Variants in B3GAT2 observed in about 807,000 individuals in gnomAD.
B3GAT2 encodes galactosylgalactosylxylosylprotein 3-beta-glucuronosyltransferase 2.
In B3GAT2, 26 loss-of-function variants were observed where a neutral mutation model predicts 27.8. The observed-to-expected ratio is 0.93, with a 90% CI of 0.68 to 1.30. The LOEUF (loss-of-function observed/expected upper bound fraction) is 1.30, where lower values mean the gene tolerates loss of function less well. Among genes scored for constraint, B3GAT2 ranks in the 50% most tolerant of loss-of-function variants. B3GAT2 has a pLI of 0.00. For synonymous variants in B3GAT2, 218 were observed against 195.1 expected, an observed-to-expected ratio of 1.12 and a Z score of -0.98; for missense variants, 458 against 459.0, an observed-to-expected ratio of 1.00 and a Z score of 0.02.
intron 1 of B3GAT2, among the ~76,000 whole-genome samples, chr6:70,934,274 C>G (rs1427050636): frequency 6.6e-6 from 1 of 152,174 alleles, no homozygotes; most frequent in Non-Finnish European, 1.5e-5. Context: ...CCCTTGGCAT[C>G]CCTACATACG....
chr6:70,863,350 C>A (rs577242371), intron 2 of B3GAT2, among the ~76,000 whole-genome samples: 23 of 152,340 alleles, frequency 1.5e-4, no homozygotes, highest in African/African-American at 5.3e-4. Flanking sequence ...GTCTCCTGTT[C>A]CAGACCCTGC....
chr6:70,915,342 C>T (rs1431445563), intron 1 of B3GAT2, among the ~76,000 whole-genome samples: 1 of 151,822 alleles, frequency 6.6e-6, no homozygotes, highest in Non-Finnish European at 1.5e-5. Flanking sequence ...AATTTTTCTC[C>T]CATTCTGTAG....
At chr6:70,903,329 A>C (rs975048605) in intron 1 of B3GAT2, among the ~76,000 whole-genome samples, 1 of 152,052 alleles carries the variant, frequency 6.6e-6, no homozygotes. Flanking sequence ...AACACGACAT[A>C]AATAATAGGA....
intron 1 of B3GAT2, among the ~76,000 whole-genome samples, chr6:70,952,190 G>C (rs1202328661): frequency 6.6e-6 from 1 of 152,064 alleles, no homozygotes; most frequent in Non-Finnish European, 1.5e-5. Context: ...TTCAAGCAAG[G>C]GGCTTCTTTA....
chr6:70,945,984 T>A (rs979221417), intron 1 of B3GAT2, among the ~76,000 whole-genome samples: 2 of 151,486 alleles, frequency 1.3e-5, no homozygotes, highest in Admixed American at 1.3e-4. Context: ...GCTTCATAAG[T>A]GAAGGAGAAA....
At chr6:70,955,576 A>G (rs1157480963) in intron 1 of B3GAT2, among the ~76,000 whole-genome samples, 2 of 152,064 alleles carry the variant, frequency 1.3e-5, no homozygotes, top group African/African-American at 2.4e-5. Context: ...TCTTGACACA[A>G]TCTCCACACA....
chr6:70,911,543 T>C (rs1772689501), intron 1 of B3GAT2, among the ~76,000 whole-genome samples: 1 of 152,228 alleles, frequency 6.6e-6, no homozygotes, highest in African/African-American at 2.4e-5. Context: ...TTTTTGTTAC[T>C]GTAAGCTTGC....
In B3GAT2 at chr6:70,875,669, C is replaced by T. The variant is rs543280268; in HGVS notation, c.737-13691G>A. ...GTGGAAGAAGAATGAAAAAGCATGC[C>T]TTGGTTGTTAAACAGGTCTGTTAAT... is the stretch of plus-strand genomic sequence containing the variant. On this transcript the variant is annotated intron_variant, in intron 2 of 3. Coordinates refer to ENST00000230053, the MANE Select transcript of B3GAT2 (RefSeq NM_080742.3). 3.9e-5 allele frequency among the ~76,000 whole-genome samples: 6 copies of T among 152,228 alleles called. No homozygotes were observed. In the South Asian group the frequency reaches 1.2e-3, roughly 32 times the overall value.
chr6:70,926,498 A>T (rs1242848421), intron 1 of B3GAT2, among the ~76,000 whole-genome samples: 2 of 152,234 alleles, frequency 1.3e-5, no homozygotes, highest in Non-Finnish European at 2.9e-5. Context: ...GATGGAGCTG[A>T]AAACCATGGC....
At chr6:70,930,482 A>C (rs1051972579) in intron 1 of B3GAT2, among the ~76,000 whole-genome samples, 8 of 152,348 alleles carry the variant, frequency 5.3e-5, no homozygotes, top group African/African-American at 1.9e-4. Flanking sequence ...CAAAGAACTT[A>C]AACAAATTTA....
At chr6:70,880,459 T>C (rs1772083866) in intron 2 of B3GAT2, among the ~76,000 whole-genome samples, 1 of 152,128 alleles carries the variant, frequency 6.6e-6, no homozygotes, top group Non-Finnish European at 1.5e-5. Context: ...GGCAATGGAA[T>C]CACTCTCAAA....
chr6:70,892,041 G>GA (rs1772298549), intron 2 of B3GAT2, among the ~76,000 whole-genome samples: 1 of 152,054 alleles, frequency 6.6e-6, no homozygotes, highest in Non-Finnish European at 1.5e-5. Flanking sequence ...TGTGTGAAGT[G>GA]AAAAAAATTA....
Position 70,931,510 on chromosome 6 carries a change from C to T in B3GAT2, c.591+24329G>A, listed in dbSNP as rs377535260. ...TATTTGGGCAGCAGGCAAGAAGAAC[C>T]CATCAGGTGGTTATGCTCCCACATA... On this transcript the variant is annotated intron_variant, in intron 1 of 3. Transcript: ENST00000230053. Among the ~76,000 whole-genome samples the T allele has an allele frequency of 2.6e-5, 4 of 152,140 alleles. No homozygotes were observed. In the South Asian group the frequency reaches 8.3e-4, roughly 32 times the overall value.
intron 2 of B3GAT2, 66 bp from the exon 3 acceptor site, chr6:70,862,044 T>C: frequency 6.8e-7 from 1 of 1,468,076 alleles, no homozygotes; most frequent in Non-Finnish European, 9.1e-7. Context: ...TTTTTCTGTA[T>C]AATTTTGGTC....
rs1765662136 is a variant in B3GAT2 at position 70,956,592 on chromosome 6, A to G, written c.-163T>C. The G allele has an allele frequency of 7.0e-7, 1 of 1,438,176 alleles. No homozygotes were observed. Among genetic ancestry groups the G allele is most frequent in the South Asian group, 1.5e-5 (1 of 67,794 alleles). The allele number at this position is 1,438,176 out of a possible 1,614,324, so 89.1% of individuals were successfully genotyped here. ...GAGACCTGGAGCCGCGGGGCTCACT[A>G]CCTGGGCGTGGAGGAGCGGCAGGTT... is the stretch of plus-strand genomic sequence containing the variant. On this transcript the variant is annotated 5_prime_UTR_variant, in exon 1 of 4. Transcript: ENST00000230053.
intron 1 of B3GAT2, among the ~76,000 whole-genome samples, chr6:70,931,723 G>C (rs1280655890): frequency 1.3e-5 from 2 of 152,144 alleles, no homozygotes; most frequent in Non-Finnish European, 2.9e-5. Flanking sequence ...GAAAACAGGA[G>C]AAAGCCTTCA....
At chr6:70,950,156 T>C (rs953105625) in intron 1 of B3GAT2, among the ~76,000 whole-genome samples, 11 of 151,886 alleles carry the variant, frequency 7.2e-5, no homozygotes, top group African/African-American at 2.4e-4. Context: ...TATACATATG[T>C]AACTAACCTG....
At chr6:70,951,124 C>T (rs1765572689) in intron 1 of B3GAT2, among the ~76,000 whole-genome samples, 1 of 152,082 alleles carries the variant, frequency 6.6e-6, no homozygotes, top group African/African-American at 2.4e-5. Flanking sequence ...TGTTAACTTA[C>T]ACAGGCTGAA....
chr6:70,894,353 G>C, intron 1 of B3GAT2, 81 bp from the exon 2 acceptor site: 1 of 1,392,892 alleles, frequency 7.2e-7, no homozygotes, highest in Non-Finnish European at 9.6e-7. Flanking sequence ...TGTAGAAGAA[G>C]TAGGGCTGGT....
Sources: gnomAD v4.1 joint callset for allele counts (sites outside exome capture counted in the v4.1 genomes callset) on GRCh38, gnomAD v4.1.1 for gene constraint, MANE v1.5 for transcripts, NCBI Gene and HGNC (gene_info 2026-07-23, HGNC 2026-07-21) for gene names.